The following GAREM1 variants were observed in gnomAD, a reference collection of about 807,000 sequenced individuals.
GAREM1 encodes the protein GRB2-associated and regulator of MAPK protein 1.
A neutral mutation model predicts 71.3 loss-of-function variants in GAREM1; 26 were observed. The observed-to-expected ratio is 0.36, with a 90% CI of 0.27 to 0.51. The LOEUF is 0.51. GAREM1 is among the 20% of genes least tolerant of loss of function. GAREM1 has a pLI of 0.95. For synonymous variants in GAREM1, 440 were observed against 433.2 expected (o/e 1.02, Z -0.20); for missense variants, 1,026 against 1,103.1 (o/e 0.93, Z 0.99).
At chr18:32,302,758 G>A (rs1210700257) in intron 3 of GAREM1, among the ~76,000 whole-genome samples, 1 of 152,100 alleles carries the variant, frequency 6.6e-6, no homozygotes, top group Non-Finnish European at 1.5e-5. Context: ...CAGGTAGAAT[G>A]GGGGGAAACT....
intron 1 of GAREM1, among the ~76,000 whole-genome samples, chr18:32,454,686 G>T (rs1190130931): frequency 6.6e-6 from 1 of 152,206 alleles, no homozygotes; most frequent in Non-Finnish European, 1.5e-5. Context: ...GACTGAGAAA[G>T]AACTCTAAAT....
intron 1 of GAREM1, among the ~76,000 whole-genome samples, chr18:32,456,471 A>C (rs1287816450): frequency 6.6e-6 from 1 of 152,152 alleles, no homozygotes; most frequent in Non-Finnish European, 1.5e-5. Flanking sequence ...TGGTATTCTC[A>C]CACATCCATG....
chr18:32,450,424 A>T (rs2048824910), intron 1 of GAREM1, among the ~76,000 whole-genome samples: 1 of 148,476 alleles, frequency 6.7e-6, no homozygotes, highest in Admixed American at 6.7e-5. Flanking sequence ...ATAAGCTGCT[A>T]AAAAAAAAAC....
At chr18:32,272,576 GGAA>G (rs754605980) in intron 4 of GAREM1, among the ~76,000 whole-genome samples, 2 of 152,126 alleles carry the variant, frequency 1.3e-5, no homozygotes, top group Non-Finnish European at 2.9e-5. Flanking sequence ...TCACGTGAGA[GGAA>G]TGCTTGGCTG....
chr18:32,396,231 C>T (rs1156408364), intron 1 of GAREM1, among the ~76,000 whole-genome samples: 1 of 152,146 alleles, frequency 6.6e-6, no homozygotes, highest in East Asian at 1.9e-4. Context: ...AGCAGAAAAG[C>T]TGAAAACTCT....
intron 2 of GAREM1, among the ~76,000 whole-genome samples, chr18:32,342,785 C>T (rs993172099): frequency 1.3e-5 from 2 of 152,186 alleles, no homozygotes; most frequent in African/African-American, 4.8e-5. Flanking sequence ...GAAGGGGGTG[C>T]TGCATGAATA....
Position 32,338,000 on chromosome 18 carries a change from T to A in GAREM1, c.263-27677A>T, listed in dbSNP as rs528207431. ...ACCCAAACCCGACAGACTCAATGAC[T>A]GTGAAAACACCCTCTCAAAGGCATG... On this transcript the variant is annotated intron_variant, in intron 2 of 5. Transcript: ENST00000269209. 9.2e-5 allele frequency among the ~76,000 whole-genome samples: 14 copies of A among 152,266 alleles called. No homozygotes were observed. The East Asian group carries it at 2.7e-3, about 29-fold the overall frequency.
chr18:32,285,326 C>G (rs1352879059), intron 4 of GAREM1, among the ~76,000 whole-genome samples: 1 of 152,154 alleles, frequency 6.6e-6, no homozygotes, highest in Non-Finnish European at 1.5e-5. Context: ...GCAATGAGGG[C>G]TCTTTATGGA....
At chr18:32,323,216 A>G (rs2047446306) in intron 2 of GAREM1, among the ~76,000 whole-genome samples, 1 of 152,194 alleles carries the variant, frequency 6.6e-6, no homozygotes, top group Admixed American at 6.5e-5. Context: ...TCTTAAAGAG[A>G]GTCGGGCATA....
intron 1 of GAREM1, among the ~76,000 whole-genome samples, chr18:32,429,998 G>A (rs1395043997): frequency 6.6e-6 from 1 of 152,158 alleles, no homozygotes; most frequent in African/African-American, 2.4e-5. Flanking sequence ...TGAAACTGAA[G>A]GACATGATAT....
chr18:32,312,943 G>A (rs1446760017), intron 2 of GAREM1, among the ~76,000 whole-genome samples: 3 of 152,202 alleles, frequency 2.0e-5, no homozygotes, highest in Non-Finnish European at 4.4e-5. Flanking sequence ...TGAGAATAAG[G>A]TTGAGAGAGG....
chr18:32,441,492 T>C (rs1054743262), intron 1 of GAREM1, among the ~76,000 whole-genome samples: 1 of 152,042 alleles, frequency 6.6e-6, no homozygotes, highest in African/African-American at 2.4e-5. Flanking sequence ...AAAAGAAAAA[T>C]TAAAGCAGCA....
At chr18:32,275,644 A>G (rs1241311611) in intron 4 of GAREM1, among the ~76,000 whole-genome samples, 1 of 152,298 alleles carries the variant, frequency 6.6e-6, no homozygotes, top group African/African-American at 2.4e-5. Flanking sequence ...CCCCACCGCT[A>G]GCATACTTCT....
At chr18:32,426,874 A>G in intron 1 of GAREM1, among the ~76,000 whole-genome samples, 1 of 152,220 alleles carries the variant, frequency 6.6e-6, no homozygotes, top group East Asian at 1.9e-4. Context: ...TATTTTTTAA[A>G]AAGATGATTT....
At chr18:32,412,569 C>A (rs1411732002) in intron 1 of GAREM1, 1 of 1,593,904 alleles carries the variant, frequency 6.3e-7, no homozygotes, top group East Asian at 2.2e-5. Flanking sequence ...ACGACCACCA[C>A]CAAAGTTTCC....
At chr18:32,381,164 TG>T (rs1259527259) in intron 2 of GAREM1, among the ~76,000 whole-genome samples, 4 of 152,158 alleles carry the variant, frequency 2.6e-5, no homozygotes, top group African/African-American at 9.7e-5. Context: ...CACTTCTCTG[TG>T]GAACTCCTAT....
At chr18:32,362,842 T>A (rs1003179681) in intron 2 of GAREM1, among the ~76,000 whole-genome samples, 1 of 152,254 alleles carries the variant, frequency 6.6e-6, no homozygotes, top group Non-Finnish European at 1.5e-5. Context: ...ACTAATTATG[T>A]GCTTACTCAT....
intron 1 of GAREM1, among the ~76,000 whole-genome samples, chr18:32,414,389 G>T (rs535285260): frequency 6.6e-6 from 1 of 151,978 alleles, no homozygotes; most frequent in South Asian, 2.1e-4. Flanking sequence ...AAACATATGA[G>T]TTATTTTTTT....
intron 1 of GAREM1, among the ~76,000 whole-genome samples, chr18:32,418,570 C>A (rs1246237014): frequency 6.6e-6 from 1 of 152,130 alleles, no homozygotes; most frequent in Non-Finnish European, 1.5e-5. Context: ...ATCCTCAAAT[C>A]ACTTTAAGCA....
Sources: gnomAD v4.1 joint callset for allele counts (sites outside exome capture counted in the v4.1 genomes callset) on GRCh38, gnomAD v4.1.1 for gene constraint, MANE v1.5 for transcripts, NCBI Gene and HGNC (gene_info 2026-07-23, HGNC 2026-07-21) for gene names.